HDGFL3: variants seen among roughly 807,000 people sequenced by gnomAD.
The protein encoded by HDGFL3 is hepatoma-derived growth factor-related protein 3.
A neutral mutation model predicts 27.6 loss-of-function variants in HDGFL3; 6 were observed. The observed-to-expected ratio is 0.22, with a 90% CI of 0.12 to 0.43. The LOEUF (loss-of-function observed/expected upper bound fraction) is 0.43, where lower values mean the gene tolerates loss of function less well. HDGFL3 is among the 20% of genes least tolerant of loss of function. The pLI, the probability that HDGFL3 is intolerant of heterozygous loss-of-function variation, is 1.00. For synonymous variants in HDGFL3, 88 were observed against 88.9 expected, an observed-to-expected ratio of 0.99 and a Z score of 0.05; for missense variants, 207 against 250.1, an observed-to-expected ratio of 0.83 and a Z score of 1.16.
intron 1 of HDGFL3, among the ~76,000 whole-genome samples, chr15:83,166,035 AAAT>A (rs1313622604): frequency 2.0e-5 from 3 of 152,162 alleles, no homozygotes; most frequent in African/African-American, 7.2e-5. Context: ...ATATTTGAGG[AAAT>A]AATTCAAGAA....
intron 1 of HDGFL3, among the ~76,000 whole-genome samples, chr15:83,173,086 A>T (rs986334991): frequency 3.3e-5 from 5 of 152,208 alleles, no homozygotes; most frequent in Admixed American, 2.6e-4. Context: ...AAACAGCCTA[A>T]AACAAACCTT....
At position 83,136,906 on chromosome 15, in the gene HDGFL3, A is replaced by C; in HGVS notation, c.*2364T>G. On this transcript the variant is annotated 3_prime_UTR_variant, in exon 6 of 6. Transcript: ENST00000299633. ...TATATTCAAAATCATTTGTGAATAA[A>C]CTTGATCATCCATCTCAATATTGTT... 3.0e-6 allele frequency: 1 copy of C among 334,402 alleles called. No individual in the cohort carries two copies. Among genetic ancestry groups the C allele is most frequent in the Non-Finnish European group, 5.4e-6 (1 of 183,994 alleles). The allele number at this position is 334,402 out of a possible 1,614,324, so 20.7% of individuals were successfully genotyped here.
chr15:83,153,332 T>C (rs993224780), intron 4 of HDGFL3, among the ~76,000 whole-genome samples: 1 of 152,160 alleles, frequency 6.6e-6, no homozygotes, highest in Non-Finnish European at 1.5e-5. Context: ...GCAGTTCTCA[T>C]AATAATGAAC....
intron 1 of HDGFL3, among the ~76,000 whole-genome samples, chr15:83,187,099 C>T (rs1404509974): frequency 6.6e-6 from 1 of 151,534 alleles, no homozygotes; most frequent in Admixed American, 6.6e-5. Context: ...CATATATATA[C>T]ACACATATAT....
At chr15:83,190,866 C>T (rs929749837) in intron 1 of HDGFL3, among the ~76,000 whole-genome samples, 1 of 152,086 alleles carries the variant, frequency 6.6e-6, no homozygotes, top group African/African-American at 2.4e-5. Context: ...TGATATTTTC[C>T]CACAGGCCCT....
chr15:83,140,708 C>T (rs1056083132), intron 5 of HDGFL3, among the ~76,000 whole-genome samples: 9 of 152,138 alleles, frequency 5.9e-5, no homozygotes, highest in African/African-American at 2.2e-4. Flanking sequence ...TCTCAAACTC[C>T]TGACCTTGTG....
intron 2 of HDGFL3, among the ~76,000 whole-genome samples, chr15:83,159,920 G>C (rs557102066): frequency 2.4e-4 from 36 of 152,320 alleles, no homozygotes; most frequent in Non-Finnish European, 3.8e-4. Flanking sequence ...TAAAGGTTCT[G>C]AGAAGAGAAG....
chr15:83,177,925 G>C (rs1048699426), intron 1 of HDGFL3, among the ~76,000 whole-genome samples: 2 of 152,152 alleles, frequency 1.3e-5, no homozygotes, highest in Non-Finnish European at 2.9e-5. Flanking sequence ...AAAAACAATA[G>C]TGGTACAGAA....
chr15:83,163,670 G>C (rs2037128447), intron 2 of HDGFL3: 3 of 218,876 alleles, frequency 1.4e-5, no homozygotes, highest in Non-Finnish European at 2.7e-5. Flanking sequence ...TTCTCTGGAA[G>C]GGAAATATAT....
At position 83,207,477 on chromosome 15, in the gene HDGFL3, C is replaced by G; in HGVS notation, c.-63G>C. On this transcript the variant is annotated 5_prime_UTR_variant, in exon 1 of 6. Transcript: ENST00000299633. The surrounding 1 kb of genome is among the most constrained non-coding windows in gnomAD (Gnocchi z 4.8). ...CGAAGATGCCGGGAGGCCGCCCCCCCGCGGGCCGACGAATTGCGCCGCGCT... is the reference window on the plus strand; with the variant it reads ...CGAAGATGCCGGGAGGCCGCCCCCCGGCGGGCCGACGAATTGCGCCGCGCT... The G allele has an allele frequency of 3.4e-6, 4 of 1,193,680 alleles. No individual in the cohort carries two copies. Among genetic ancestry groups the G allele is most frequent in the Non-Finnish European group, 4.2e-6 (4 of 942,234 alleles). The allele number at this position is 1,193,680 out of a possible 1,614,324, so 73.9% of individuals were successfully genotyped here.
intron 1 of HDGFL3, among the ~76,000 whole-genome samples, chr15:83,205,102 A>G (rs2037700990): frequency 6.6e-6 from 1 of 152,244 alleles, no homozygotes; most frequent in South Asian, 2.1e-4. Flanking sequence ...ATAATATTTG[A>G]AACTTCAATA....
At chr15:83,122,118 AC>A (rs2151363063) in intron 3 of HDGFL3, 2 of 865,526 alleles carry the variant, frequency 2.3e-6, no homozygotes, top group East Asian at 5.3e-5. Context: ...CTTACTAAAA[AC>A]CTGTTTTGCA....
At position 83,134,165 on chromosome 15, in the gene HDGFL3, C is replaced by A. The variant is rs2036453960; in HGVS notation, c.*5105G>T. 6.6e-6 allele frequency: 1 copy of A among 151,966 alleles called. No homozygotes were observed. The highest frequency in any genetic ancestry group is 2.1e-4 in the South Asian group (1 of 4,818). The allele number at this position is 151,966 out of a possible 1,614,324, so 9.4% of individuals were successfully genotyped here. A position where few individuals can be genotyped will look rare whatever the true frequency, so the allele number is the denominator to read the frequency against. ...CTCTAACAATGTGACAGGTGCCACA[C>A]AAAACATTAGACACAGTACCTGCCC... On this transcript the variant is annotated 3_prime_UTR_variant, in exon 6 of 6. Coordinates refer to ENST00000299633, the MANE Select transcript of HDGFL3 (RefSeq NM_016073.4).
rs902189091 is a variant in HDGFL3, at chr15:83,128,637, C to T, written c.*10633G>A. The T allele has an allele frequency of 6.6e-6, 1 of 152,154 alleles. No homozygotes were observed. The highest frequency in any genetic ancestry group is 6.5e-5 in the Admixed American group (1 of 15,272). The allele number at this position is 152,154 out of a possible 1,614,324, so 9.4% of individuals were successfully genotyped here. ...AGACTCCTGTATTTCATTCCAAACTCAGTCTTTTTACTTGCATGCCTCACT... is the reference window on the plus strand; with the variant it reads ...AGACTCCTGTATTTCATTCCAAACTTAGTCTTTTTACTTGCATGCCTCACT... On this transcript the variant is annotated 3_prime_UTR_variant, in exon 6 of 6. Coordinates refer to ENST00000299633, the MANE Select transcript of HDGFL3 (RefSeq NM_016073.4).
intron 4 of HDGFL3, among the ~76,000 whole-genome samples, chr15:83,154,690 A>C (rs907814954): frequency 1.3e-5 from 2 of 152,234 alleles, no homozygotes; most frequent in Non-Finnish European, 2.9e-5. Context: ...CAAGAATGAT[A>C]GTAAAAGTGA....
chr15:83,124,691 C>T (rs188351862), downstream of HDGFL3: 156 of 1,613,988 alleles, frequency 9.7e-5, no homozygotes, highest in East Asian at 1.2e-3. Context: ...GAAGCCCAAG[C>T]GAAAGACCTG....
At position 83,139,216 on chromosome 15, in the gene HDGFL3, C is replaced by T; in HGVS notation, c.*54G>A. On this transcript the variant is annotated 3_prime_UTR_variant, in exon 6 of 6. Coordinates refer to ENST00000299633, the MANE Select transcript of HDGFL3 (RefSeq NM_016073.4). ...ATCAAATCCAAGAATATTAGACAAC[C>T]AAACATATAACCTTCTTGTGGTTTC... The T allele has an allele frequency of 7.8e-7, 1 of 1,286,098 alleles. No homozygotes were observed. The allele number at this position is 1,286,098 out of a possible 1,614,324, so 79.7% of individuals were successfully genotyped here. A position where few individuals can be genotyped will look rare whatever the true frequency, so the allele number is the denominator to read the frequency against.
At chr15:83,197,347 G>C (rs1470092382) in intron 1 of HDGFL3, among the ~76,000 whole-genome samples, 1 of 152,174 alleles carries the variant, frequency 6.6e-6, no homozygotes, top group African/African-American at 2.4e-5. Context: ...CAGTGAGCCA[G>C]ATGTAAGACA....
intron 5 of HDGFL3, among the ~76,000 whole-genome samples, chr15:83,140,049 A>AT (rs778815107): frequency 5.3e-5 from 8 of 152,066 alleles, no homozygotes; most frequent in African/African-American, 9.7e-5. Context: ...GCCCTCAAAT[A>AT]TTTTTTCTGA....
Sources: allele counts gnomAD v4.1 joint callset (sites outside exome capture counted in the v4.1 genomes callset), GRCh38; gene constraint gnomAD v4.1.1; non-coding constraint Gnocchi (gnomAD v3.1); transcripts MANE v1.5; gene names NCBI Gene and HGNC (gene_info 2026-07-23, HGNC 2026-07-21).